Variants in LUZP1 observed in about 807,000 individuals in gnomAD.
LUZP1 encodes filamin mechanobinding actin cross-linking protein.
Under a neutral mutation model 71.3 loss-of-function variants are expected in LUZP1, and 25 were observed. The observed-to-expected ratio is 0.35, with a 90% CI of 0.26 to 0.49. The LOEUF is 0.49. Among genes scored for constraint, LUZP1 ranks in the 20% least tolerant of loss-of-function variants. The probability of loss-of-function intolerance (pLI) is 0.99; values close to 1 mark genes in which losing one functional copy is unlikely to be tolerated. For missense variants in LUZP1, 1,142 were observed against 1,300.8 expected (o/e 0.88, Z 1.88); for synonymous variants, 481 against 506.4 (o/e 0.95, Z 0.67).
chr1:23,152,002 CAAA>C (rs577798980), intron 2 of LUZP1, among the ~76,000 whole-genome samples: 2 of 63,626 alleles, frequency 3.1e-5, no homozygotes. Flanking sequence ...ACTCAGTCTC[CAAA>C]AAAAAAAAAA....
intron 2 of LUZP1, among the ~76,000 whole-genome samples, chr1:23,121,385 G>A (rs946462016): frequency 1.3e-5 from 2 of 152,020 alleles, no homozygotes; most frequent in Non-Finnish European, 1.5e-5. Flanking sequence ...TGGTTTTTCT[G>A]GCCTAGAAAT....
intron 1 of LUZP1, among the ~76,000 whole-genome samples, chr1:23,169,803 C>T (rs1040430019): frequency 6.6e-6 from 1 of 152,170 alleles, no homozygotes; most frequent in Non-Finnish European, 1.5e-5. Flanking sequence ...CCCTCCCACA[C>T]GCTGGCACGC....
At chr1:23,084,079 C>G (rs1005108441) in exon 5 of LUZP1, 8 of 152,202 alleles carry the variant, frequency 5.3e-5, no homozygotes. Context: ...TGGGTATGTG[C>G]TAAAACTTCC....
In LUZP1 at chr1:23,091,501, G is replaced by A. The variant is rs149039238; in HGVS notation, c.2761C>T (p.Arg921Trp). The change falls in exon 4 of 5, where the codon CGG (arginine) becomes TGG (tryptophan). Residue 921 changes from arginine (R) to tryptophan (W), a missense_variant. Arg to Trp is a moderately radical substitution (Grantham distance 101). Transcript: ENST00000302291. ...TCTCGCCTACTCTTCCAGGCATTCC[G>A]CACAGTAACATGTCTGGCATCTGAG... The A allele has an allele frequency of 4.8e-5, 78 of 1,614,026 alleles. No homozygotes were observed. In the African/African-American group the frequency reaches 5.1e-4, roughly 10 times the overall value.
intron 2 of LUZP1, among the ~76,000 whole-genome samples, chr1:23,122,206 T>C (rs569194686): frequency 2.6e-5 from 4 of 152,178 alleles, no homozygotes; most frequent in Admixed American, 2.0e-4. Flanking sequence ...GAATGATAAC[T>C]GAGAGCTTAA....
intron 2 of LUZP1, among the ~76,000 whole-genome samples, chr1:23,158,647 C>CAAAAAAAAA (rs56919514): frequency 6.7e-5 from 4 of 59,932 alleles, no homozygotes; most frequent in African/African-American, 1.6e-4. Context: ...GACTCTGTCT[C>CAAAAAAAAA]AAAAAAAAAA....
In LUZP1 at chr1:23,091,881, C is replaced by T. The variant is rs887326975; in HGVS notation, c.2381G>A (p.Ser794Asn). The change falls in exon 4 of 5, where the codon AGT becomes AAT. Residue 794 changes from serine to asparagine, a missense_variant. Physicochemically the swap from Ser to Asn is conservative, Grantham distance 46 (BLOSUM62 1). Coordinates refer to ENST00000302291, the Ensembl canonical transcript of LUZP1. Reference sequence around the variant, plus strand: ...GTCAGATGGATATATAGTAATGCTACTTGTCACTTTGTTTGGCCCTGGTTT... The same window carrying T: ...GTCAGATGGATATATAGTAATGCTATTTGTCACTTTGTTTGGCCCTGGTTT... 5.0e-6 allele frequency: 8 copies of T among 1,614,072 alleles called. No homozygotes were observed. The African/African-American group carries it at 1.1e-4, about 22-fold the overall frequency.
intron 2 of LUZP1, among the ~76,000 whole-genome samples, chr1:23,131,048 G>A (rs937578708): frequency 9.9e-5 from 15 of 151,550 alleles, no homozygotes; most frequent in Non-Finnish European, 1.3e-4. Context: ...GTGAAACTCC[G>A]TCTCTACTAA....
chr1:23,091,195 T>G, exon 4 of LUZP1: 1 of 1,603,660 alleles, frequency 6.2e-7, no homozygotes, highest in South Asian at 1.1e-5. Context: ...CTCACCATGC[T>G]TGCTGAGTGG....
chr1:23,099,248 G>C (rs1643913237), intron 3 of LUZP1, among the ~76,000 whole-genome samples: 1 of 152,238 alleles, frequency 6.6e-6, no homozygotes, highest in African/African-American at 2.4e-5. Context: ...CACAGGGTTG[G>C]TTTGGGAGGA....
At chr1:23,145,570 AG>A (rs1490323665) in intron 2 of LUZP1, among the ~76,000 whole-genome samples, 1 of 151,524 alleles carries the variant, frequency 6.6e-6, no homozygotes, top group Non-Finnish European at 1.5e-5. Context: ...CCTGAGTTCA[AG>A]TGTTTCTCCT....
chr1:23,124,256 G>A lies in LUZP1; in HGVS notation c.-225-15129C>T, dbSNP rs181217983. ...ACTTAGGGTGCAATAATCTAGTCTA[G>A]CCTTTCATTTTAAAGATGGGGAAAA... is the stretch of plus-strand genomic sequence containing the variant. On this transcript the variant is annotated intron_variant, in intron 2 of 4. Transcript: ENST00000302291. 2.6e-5 allele frequency among the ~76,000 whole-genome samples: 4 copies of A among 152,260 alleles called. No individual in the cohort carries two copies. In the East Asian group the frequency reaches 5.8e-4, roughly 22 times the overall value.
intron 2 of LUZP1, among the ~76,000 whole-genome samples, chr1:23,118,679 C>G (rs575248480): frequency 6.6e-6 from 1 of 152,162 alleles, no homozygotes; most frequent in Non-Finnish European, 1.5e-5. Context: ...TTTAAAAAGG[C>G]CTCAGTTCTA....
Position 23,096,930 on chromosome 1 carries a change from G to A in LUZP1, c.-119-2550C>T, listed in dbSNP as rs36047350. Among the ~76,000 whole-genome samples the A allele has an allele frequency of 8.2e-3, 1,255 of 152,206 alleles. 10 individuals carry two copies. Among genetic ancestry groups the A allele is most frequent in the Middle Eastern group, 0.02 (6 of 294 alleles). ...GGAGGCTGCAGTGAGCTGAGATCGCGCCACTGCACTCCAGCCTGGTCGACA... is the reference window on the plus strand; with the variant it reads ...GGAGGCTGCAGTGAGCTGAGATCGCACCACTGCACTCCAGCCTGGTCGACA... On this transcript the variant is annotated intron_variant, in intron 3 of 4. Transcript: ENST00000302291.
At chr1:23,116,522 A>G (rs935668156) in intron 2 of LUZP1, among the ~76,000 whole-genome samples, 2 of 152,068 alleles carry the variant, frequency 1.3e-5, no homozygotes, top group Non-Finnish European at 2.9e-5. Context: ...CAAATAAATA[A>G]ATGAATGAAA....
intron 2 of LUZP1, among the ~76,000 whole-genome samples, chr1:23,151,273 A>C (rs1041436053): frequency 6.6e-6 from 1 of 152,042 alleles, no homozygotes; most frequent in Admixed American, 6.5e-5. Flanking sequence ...TGAACTCCTG[A>C]TCTCAGGTGA....
intron 2 of LUZP1, among the ~76,000 whole-genome samples, chr1:23,117,473 CTCT>C (rs1232835898): frequency 3.7e-4 from 17 of 46,000 alleles, no homozygotes; most frequent in East Asian, 1.4e-3. Flanking sequence ...CTCTCTCTCT[CTCT>C]CCCCCCCCCC....
At chr1:23,125,867 G>A (rs1348335315) in intron 2 of LUZP1, among the ~76,000 whole-genome samples, 1 of 151,996 alleles carries the variant, frequency 6.6e-6, no homozygotes, top group Non-Finnish European at 1.5e-5. Context: ...ACTAAGACTG[G>A]GTTGAAGATT....
intron 2 of LUZP1, among the ~76,000 whole-genome samples, chr1:23,115,503 T>C (rs574341736): frequency 6.6e-6 from 1 of 152,180 alleles, no homozygotes; most frequent in Non-Finnish European, 1.5e-5. Context: ...GATTAATGTA[T>C]CTATTTGAAA....
Sources: gnomAD v4.1 joint callset for allele counts (sites outside exome capture counted in the v4.1 genomes callset) on GRCh38, gnomAD v4.1.1 for gene constraint, MANE v1.5 for transcripts, NCBI Gene and HGNC (gene_info 2026-07-23, HGNC 2026-07-21) for gene names.